The following TADA2A variants were observed in gnomAD, a reference collection of about 807,000 sequenced individuals.
TADA2A encodes transcriptional adapter 2-alpha.
Under a neutral mutation model 67.4 loss-of-function variants are expected in TADA2A, and 38 were observed. That is an observed-to-expected ratio of 0.56 (90% CI 0.44 to 0.74). TADA2A has a LOEUF of 0.74. Among genes scored for constraint, TADA2A ranks in the 30% least tolerant of loss-of-function variants. TADA2A has a pLI of 0.00. For synonymous variants in TADA2A, 192 were observed against 181.6 expected, an observed-to-expected ratio of 1.06 and a Z score of -0.46; for missense variants, 454 against 547.0, an observed-to-expected ratio of 0.83 and a Z score of 1.70.
intron 1 of TADA2A, among the ~76,000 whole-genome samples, chr17:37,408,904 T>G (rs1460226402): frequency 6.6e-6 from 1 of 152,156 alleles, no homozygotes; most frequent in African/African-American, 2.4e-5. Flanking sequence ...TAGTGATGAA[T>G]TATTCTCCAA....
chr17:37,467,659 G>A (rs1026130646), intron 12 of TADA2A, 134 bp downstream of exon 12: 1 of 712,366 alleles, frequency 1.4e-6, no homozygotes, highest in South Asian at 2.0e-5. Flanking sequence ...AACCTTTCCA[G>A]TAAAGTTTTG....
intron 5 of TADA2A, among the ~76,000 whole-genome samples, chr17:37,439,851 G>A (rs1304743273): frequency 6.6e-6 from 1 of 151,374 alleles, no homozygotes; most frequent in African/African-American, 2.4e-5. Flanking sequence ...ATTATTTACA[G>A]CAATTATTTC....
intron 14 of TADA2A, among the ~76,000 whole-genome samples, 137 bp from the exon 15 acceptor site, chr17:37,474,391 CATGTTGTTAGCTAAACAGGCCTGAGGGA>C (rs1380387385): frequency 6.6e-6 from 1 of 152,162 alleles, no homozygotes; most frequent in African/African-American, 2.4e-5. Context: ...TTCGGGTGCC[CATGTTGTTAGCTAAACAGGCCTGAGGGA>C]ATGGGACAGG....
chr17:37,448,501 C>T lies in TADA2A; in HGVS notation c.604+3733C>T, dbSNP rs952241189. ...GGTTCAGAAAGAGAGAGAGAGAAGA[C>T]TCATATCTTAGAACTGTCTTGTCTC... On this transcript the variant is annotated intron_variant, in intron 8 of 15. Transcript: ENST00000615182. 4.6e-5 allele frequency among the ~76,000 whole-genome samples: 7 copies of T among 152,278 alleles called. No homozygotes were observed. The South Asian group carries it at 1.2e-3, about 27-fold the overall frequency.
At chr17:37,456,831 T>C (rs2053405966) in intron 8 of TADA2A, among the ~76,000 whole-genome samples, 1 of 152,170 alleles carries the variant, frequency 6.6e-6, no homozygotes, top group Non-Finnish European at 1.5e-5. Flanking sequence ...TCTTTGGAAC[T>C]CTGAAGATGG....
intron 4 of TADA2A, among the ~76,000 whole-genome samples, chr17:37,434,179 T>C (rs1335033078): frequency 6.6e-5 from 10 of 151,830 alleles, no homozygotes; most frequent in African/African-American, 2.4e-4. Context: ...TTTTGTACAG[T>C]GTCTCTCAAT....
chr17:37,415,850 G>A (rs2052025228), intron 2 of TADA2A, among the ~76,000 whole-genome samples: 1 of 148,196 alleles, frequency 6.7e-6, no homozygotes, highest in Admixed American at 6.8e-5. Flanking sequence ...CTCCAGCCTG[G>A]GCGACAAGAG....
intron 4 of TADA2A, among the ~76,000 whole-genome samples, chr17:37,433,782 A>C (rs950641100): frequency 6.6e-6 from 1 of 152,034 alleles, no homozygotes; most frequent in Admixed American, 6.6e-5. Context: ...GTGAAACCCT[A>C]TCTCTACTAA....
rs778261913 is a variant in TADA2A at position 37,461,987 on chromosome 17, A to G, written c.669-91A>G. On this transcript the variant is annotated intron_variant, in intron 9 of 15. Transcript: ENST00000615182. ...CCTCTGTATTGTATTCCACCTCAGC[A>G]TGTTTATGTCTGATGATAGCTATAT... 3.0e-6 allele frequency: 3 copies of G among 1,015,958 alleles called. No homozygotes were observed. In the Admixed American group the frequency reaches 6.8e-5, roughly 23 times the overall value. 62.9% of individuals were successfully genotyped at this position (1,015,958 alleles called of 1,614,324 possible). A position where few individuals can be genotyped will look rare whatever the true frequency, so the allele number is the denominator to read the frequency against.
At chr17:37,448,448 T>A (rs530648685) in intron 8 of TADA2A, among the ~76,000 whole-genome samples, 79 of 152,312 alleles carry the variant, frequency 5.2e-4, no homozygotes, top group African/African-American at 1.8e-3. Flanking sequence ...TACTTACTCA[T>A]ATTTTATTGA....
chr17:37,470,445 G>A lies in TADA2A; in HGVS notation c.941G>A (p.Arg314His), dbSNP rs146413054. 47 of 1,613,294 alleles carry A rather than the reference G, an allele frequency of 2.9e-5. No homozygotes were observed. Among genetic ancestry groups the A allele is most frequent in the Non-Finnish European group, 3.6e-5 (42 of 1,179,806 alleles). Residue 314 changes from arginine (R) to histidine (H), a missense_variant, in exon 13 of 16, where the codon CGC (arginine) becomes CAC (histidine). Transcript: ENST00000615182. ...DHLKKTREEERLKRTMLSEVL... is the reference protein window; with the variant it reads ...DHLKKTREEEHLKRTMLSEVL... ...CTCAAGAAGACACGGGAGGAAGAGC[G>A]CCTTAAACGCACTATGCTCTCAGAA...
chr17:37,442,125 T>C (rs577900309), intron 6 of TADA2A, among the ~76,000 whole-genome samples: 2 of 151,994 alleles, frequency 1.3e-5, no homozygotes, highest in East Asian at 1.9e-4. Flanking sequence ...TGCAGGGTCA[T>C]GGGACTAGTG....
intron 7 of TADA2A, 103 bp from the exon 8 acceptor site, chr17:37,444,593 T>C: frequency 1.0e-6 from 1 of 954,466 alleles, no homozygotes; most frequent in Non-Finnish European, 1.6e-6. Context: ...TAAACAACTG[T>C]TTGCTTGTGT....
chr17:37,426,665 GAA>G lies in TADA2A; in HGVS notation c.133-262_133-261del, dbSNP rs71135723. The G allele has an allele frequency of 7.5e-3, 908 of 121,538 alleles. 21 individuals carry two copies. Among genetic ancestry groups the G allele is most frequent in the Admixed American group, 0.045 (468 of 10,324 alleles). The allele number at this position is 121,538 out of a possible 1,614,324, so 7.5% of individuals were successfully genotyped here. A position where few individuals can be genotyped will look rare whatever the true frequency, so the allele number is the denominator to read the frequency against. On this transcript the variant is annotated intron_variant, in intron 3 of 15. Transcript: ENST00000615182. ...GGTGAAAGAGCAAGACTCCGTCTCA[GAA>G]AAAAAAAAAAAAAAAAAAAAAACTT...
At chr17:37,431,476 A>G (rs1480981071) in intron 4 of TADA2A, among the ~76,000 whole-genome samples, 2 of 152,186 alleles carry the variant, frequency 1.3e-5, no homozygotes, top group African/African-American at 2.4e-5. Context: ...CAACTACTAC[A>G]TAATGGTAAT....
chr17:37,444,657 A>C, intron 7 of TADA2A, 39 bp from the exon 8 acceptor site: 1 of 1,562,242 alleles, frequency 6.4e-7, no homozygotes, highest in Non-Finnish European at 8.8e-7. Context: ...ATCAAAGCCG[A>C]TGGGTTTGGG....
At chr17:37,445,290 G>C (rs182911922) in intron 8 of TADA2A, among the ~76,000 whole-genome samples, 3 of 152,286 alleles carry the variant, frequency 2.0e-5, no homozygotes, top group African/African-American at 7.2e-5. Flanking sequence ...TTTTGAGACG[G>C]AGTCTCACTC....
chr17:37,437,857 T>G (rs775687738), intron 5 of TADA2A, 28 bp downstream of exon 5: 1 of 1,588,116 alleles, frequency 6.3e-7, no homozygotes, highest in South Asian at 1.1e-5. Context: ...AGAGTTGTCC[T>G]GCCCTAGTGG....
chr17:37,422,859 A>G (rs2052287578), intron 2 of TADA2A, among the ~76,000 whole-genome samples: 1 of 152,024 alleles, frequency 6.6e-6, no homozygotes, highest in African/African-American at 2.4e-5. Context: ...ATTTTGTCAG[A>G]TTTTCTTTAT....
Sources: gnomAD v4.1 joint callset for allele counts (sites outside exome capture counted in the v4.1 genomes callset) on GRCh38, gnomAD v4.1.1 for gene constraint, MANE v1.5 for transcripts, NCBI Gene and HGNC (gene_info 2026-07-23, HGNC 2026-07-21) for gene names.